The following RARB variants were observed in gnomAD, a reference collection of about 807,000 sequenced individuals.
RARB encodes the protein HBV-activated protein.
A neutral mutation model predicts 51.9 loss-of-function variants in RARB; 17 were observed. That is an observed-to-expected ratio of 0.33 (90% CI 0.22 to 0.49). The LOEUF is 0.49. RARB is among the 20% of genes least tolerant of loss of function. The pLI, the probability that RARB is intolerant of heterozygous loss-of-function variation, is 0.99. For missense variants in RARB, 369 were observed against 550.8 expected (o/e 0.67, Z 3.30); for synonymous variants, 215 against 195.4 (o/e 1.10, Z -0.84).
At chr3:25,088,071 A>C (rs1358170854) in intron 3 of RARB, among the ~76,000 whole-genome samples, 1 of 152,018 alleles carries the variant, frequency 6.6e-6, no homozygotes, top group Non-Finnish European at 1.5e-5. Flanking sequence ...ACCAAAAATA[A>C]GTAGAAATTG....
intron 5 of RARB, 147 bp from the exon 6 acceptor site, chr3:25,593,356 A>T: frequency 1.4e-6 from 1 of 711,604 alleles, no homozygotes; most frequent in South Asian, 1.9e-5. Flanking sequence ...TTAATGAAAG[A>T]GCTAAAGAAG....
chr3:25,467,461 C>T (rs143959256), intron 2 of RARB, among the ~76,000 whole-genome samples: 3 of 152,324 alleles, frequency 2.0e-5, no homozygotes, highest in Admixed American at 6.5e-5. Flanking sequence ...GGCTTCTTCA[C>T]GTGGTGGATG....
chr3:25,590,411 C>A (rs1701570637), intron 5 of RARB, among the ~76,000 whole-genome samples: 1 of 152,190 alleles, frequency 6.6e-6, no homozygotes, highest in South Asian at 2.1e-4. Flanking sequence ...GCATTCATTT[C>A]TTGGCGGCAT....
At chr3:24,848,541 C>T (rs778818960) in intron 1 of RARB, among the ~76,000 whole-genome samples, 3 of 152,160 alleles carry the variant, frequency 2.0e-5, no homozygotes, top group Non-Finnish European at 2.9e-5. Context: ...TGAGCATCTG[C>T]GAACAACCTG....
At chr3:24,963,108 G>C (rs1391687868) in intron 2 of RARB, among the ~76,000 whole-genome samples, 1 of 152,076 alleles carries the variant, frequency 6.6e-6, no homozygotes, top group East Asian at 1.9e-4. Flanking sequence ...GATGCCTCAG[G>C]ATTTGTTCTT....
At position 25,413,436 on chromosome 3, in the gene RARB, T is replaced by A. The variant is rs532673111; in HGVS notation, c.179-47757T>A. On this transcript the variant is annotated intron_variant, in intron 5 of 11. Coordinates refer to the RARB transcript ENST00000383772. ...TATGATTAGTACAATTATGATTATG[T>A]TTTTTGTATATGCCTTTTACATGAA... Among the ~76,000 whole-genome samples, 402 of 152,316 alleles carry A rather than the reference T, an allele frequency of 2.6e-3. 2 individuals are homozygous for A. Among genetic ancestry groups the A allele is most frequent in the African/African-American group, 8.8e-3 (365 of 41,558 alleles).
intron 5 of RARB, among the ~76,000 whole-genome samples, chr3:25,210,529 C>CTTTTTTTT (rs773846113): frequency 2.5e-4 from 7 of 27,634 alleles, no homozygotes; most frequent in South Asian, 1.7e-3. Context: ...TTATCTGATT[C>CTTTTTTTT]TTTTTTTTTT....
intron 2 of RARB, among the ~76,000 whole-genome samples, chr3:24,979,710 G>A (rs2125424436): frequency 6.6e-6 from 1 of 152,136 alleles, no homozygotes; most frequent in African/African-American, 2.4e-5. Flanking sequence ...ACACCAAAGG[G>A]TCTTGACTCT....
intron 5 of RARB, among the ~76,000 whole-genome samples, chr3:25,210,690 A>G (rs1160894639): frequency 6.6e-6 from 1 of 151,572 alleles, no homozygotes; most frequent in East Asian, 1.9e-4. Flanking sequence ...GCACACCACC[A>G]TGCCTTGCTA....
chr3:24,972,833 C>A (rs1476341433), intron 2 of RARB, among the ~76,000 whole-genome samples: 2 of 151,674 alleles, frequency 1.3e-5, no homozygotes, highest in South Asian at 2.1e-4. Flanking sequence ...ATTTTTAAAT[C>A]AAGTTTATTT....
chr3:25,442,351 G>C (rs1175641561), intron 1 of RARB, among the ~76,000 whole-genome samples: 1 of 152,022 alleles, frequency 6.6e-6, no homozygotes, highest in Non-Finnish European at 1.5e-5. Context: ...GGTCAGGCTG[G>C]TCTCGAACTC....
At chr3:25,139,300 G>T (rs1449691199) in intron 4 of RARB, among the ~76,000 whole-genome samples, 1 of 152,158 alleles carries the variant, frequency 6.6e-6, no homozygotes, top group Non-Finnish European at 1.5e-5. Flanking sequence ...TAAGTCTCTT[G>T]CACCAAACAG....
chr3:25,471,361 AGAGAATCTACCTCCATATCGAG>A (rs1354552069), intron 2 of RARB, among the ~76,000 whole-genome samples: 1 of 152,228 alleles, frequency 6.6e-6, no homozygotes. Context: ...ATCTCAGCTT[AGAGAATCTACCTCCATATCGAG>A]GAACCTCAAG....
At chr3:25,161,939 C>T (rs953456611) in intron 4 of RARB, among the ~76,000 whole-genome samples, 3 of 152,070 alleles carry the variant, frequency 2.0e-5, no homozygotes, top group Non-Finnish European at 4.4e-5. Flanking sequence ...AAAGGCTAGA[C>T]CCTGTGCCCA....
chr3:25,044,999 A>G (rs1194408553), intron 2 of RARB, among the ~76,000 whole-genome samples: 1 of 152,100 alleles, frequency 6.6e-6, no homozygotes, highest in Non-Finnish European at 1.5e-5. Context: ...TTTTTGTTCT[A>G]CTTGGAGGAA....
chr3:25,014,490 C>A (rs1051292815), intron 2 of RARB, among the ~76,000 whole-genome samples: 1 of 152,034 alleles, frequency 6.6e-6, no homozygotes, highest in Non-Finnish European at 1.5e-5. Context: ...TGACTGGCAG[C>A]GTACAGACCC....
intron 2 of RARB, among the ~76,000 whole-genome samples, chr3:24,908,815 T>C (rs1165411891): frequency 2.6e-5 from 4 of 152,088 alleles, no homozygotes; most frequent in Non-Finnish European, 5.9e-5. Flanking sequence ...TGAACATACC[T>C]AGTAGACTCA....
rs114271799 is a variant in RARB at position 25,198,983 on chromosome 3, T to A, written c.178+24408T>A. Among the ~76,000 whole-genome samples, 463 of 152,140 alleles carry A rather than the reference T, an allele frequency of 3.0e-3. 3 individuals carry two copies. Among genetic ancestry groups the A allele is most frequent in the African/African-American group, 0.011 (452 of 41,542 alleles). ...AGGAAATCGGTATATTGAAGAGATA[T>A]CTGCATTCTCATGTTTATTGTAGCA... On this transcript the variant is annotated intron_variant, in intron 5 of 11. Coordinates refer to the RARB transcript ENST00000383772.
intron 1 of RARB, among the ~76,000 whole-genome samples, chr3:25,455,458 A>G (rs896587422): frequency 1.3e-5 from 2 of 152,220 alleles, no homozygotes; most frequent in African/African-American, 4.8e-5. Flanking sequence ...TTTAAAAGCA[A>G]TGAGTCCCAT....
Sources: allele counts gnomAD v4.1 joint callset (sites outside exome capture counted in the v4.1 genomes callset), GRCh38; gene constraint gnomAD v4.1.1; transcripts MANE v1.5; gene names NCBI Gene and HGNC (gene_info 2026-07-23, HGNC 2026-07-21).